GXYLT1: variants seen among roughly 807,000 people sequenced by gnomAD.
The protein encoded by GXYLT1 is glycosyltransferase 8 domain containing 3.
GXYLT1 carries 29 observed loss-of-function variants against 54.0 expected under a neutral mutation model. The ratio of observed to expected loss-of-function variants is 0.54; its 90% CI spans 0.40 to 0.73. GXYLT1 has a LOEUF of 0.73. Among genes scored for constraint, GXYLT1 ranks in the 30% least tolerant of loss-of-function variants. The pLI is 0.00. For missense variants in GXYLT1, 490 were observed against 553.4 expected (o/e 0.89, Z 1.15); for synonymous variants, 176 against 204.1 (o/e 0.86, Z 1.17).
At chr12:42,142,749 T>C (rs768152618) in intron 1 of GXYLT1, among the ~76,000 whole-genome samples, 7 of 152,208 alleles carry the variant, frequency 4.6e-5, no homozygotes, top group African/African-American at 9.6e-5. Flanking sequence ...AATCTAACCA[T>C]AGAGTAAAAC....
chr12:42,139,313 T>A (rs955903757), intron 1 of GXYLT1, among the ~76,000 whole-genome samples: 2 of 152,210 alleles, frequency 1.3e-5, no homozygotes, highest in African/African-American at 4.8e-5. Flanking sequence ...CTAGTATTTA[T>A]TAATATGTGT....
At chr12:42,143,314 G>A (rs1454358145) in intron 1 of GXYLT1, among the ~76,000 whole-genome samples, 1 of 152,142 alleles carries the variant, frequency 6.6e-6, no homozygotes, top group East Asian at 1.9e-4. Flanking sequence ...AGTCTTCAGT[G>A]ACTGCTTTCT....
At chr12:42,134,968 A>G (rs946678309) in intron 1 of GXYLT1, among the ~76,000 whole-genome samples, 3 of 152,216 alleles carry the variant, frequency 2.0e-5, no homozygotes, top group Non-Finnish European at 4.4e-5. Context: ...ATTACTGTTC[A>G]GTTATTCACT....
intron 3 of GXYLT1, among the ~76,000 whole-genome samples, chr12:42,114,705 A>G (rs1472946078): frequency 6.6e-6 from 1 of 152,302 alleles, no homozygotes. Context: ...AGAGGTACAA[A>G]GAGGAGCTGG....
chr12:42,119,464 AAGGG>A (rs1178031813), intron 2 of GXYLT1, among the ~76,000 whole-genome samples: 2 of 151,766 alleles, frequency 1.3e-5, no homozygotes, highest in Non-Finnish European at 2.9e-5. Flanking sequence ...GGCAAAGGGA[AAGGG>A]AGGGAGGGAA....
At chr12:42,090,792 C>T (rs1488492171) in intron 7 of GXYLT1, among the ~76,000 whole-genome samples, 1 of 152,102 alleles carries the variant, frequency 6.6e-6, no homozygotes, top group Non-Finnish European at 1.5e-5. Flanking sequence ...TAAAGTAAAT[C>T]AAAGTTAACA....
At chr12:42,123,291 T>C (rs1458489410) in intron 2 of GXYLT1, among the ~76,000 whole-genome samples, 1 of 152,194 alleles carries the variant, frequency 6.6e-6, no homozygotes, top group African/African-American at 2.4e-5. Flanking sequence ...TTAAAGTATG[T>C]CCCTGTTCTT....
chr12:42,132,338 A>G (rs977460983), intron 1 of GXYLT1, among the ~76,000 whole-genome samples: 1 of 152,234 alleles, frequency 6.6e-6, no homozygotes, highest in African/African-American at 2.4e-5. Context: ...AACTAGAGTC[A>G]GCTTGAAATT....
chr12:42,120,700 CTT>C (rs944674756), intron 2 of GXYLT1, among the ~76,000 whole-genome samples: 1 of 146,678 alleles, frequency 6.8e-6, no homozygotes, highest in Admixed American at 6.9e-5. Context: ...TCCAACTAAT[CTT>C]TTTTTTTATT....
At chr12:42,121,106 A>C (rs1407344077) in intron 2 of GXYLT1, among the ~76,000 whole-genome samples, 1 of 152,220 alleles carries the variant, frequency 6.6e-6, no homozygotes, top group Non-Finnish European at 1.5e-5. Flanking sequence ...TTTTTAGAGA[A>C]TTCTAAATTA....
chr12:42,126,073 C>CTTTT (rs35070036), intron 2 of GXYLT1, among the ~76,000 whole-genome samples: 5 of 135,248 alleles, frequency 3.7e-5, no homozygotes, highest in Non-Finnish European at 4.8e-5. Flanking sequence ...CCAGTAGGAA[C>CTTTT]TTTTTTTTTT....
At chr12:42,095,678 C>T (rs1019666763) in intron 7 of GXYLT1, among the ~76,000 whole-genome samples, 1 of 152,040 alleles carries the variant, frequency 6.6e-6, no homozygotes, top group African/African-American at 2.4e-5. Context: ...TGAGTAAACC[C>T]TTATGTTATT....
intron 5 of GXYLT1, 103 bp downstream of exon 5, chr12:42,105,715 T>G (rs1260448094): frequency 1.3e-6 from 1 of 750,784 alleles, no homozygotes; most frequent in South Asian, 2.0e-5. Context: ...AATAGAAAAA[T>G]TATTTATAGT....
intron 3 of GXYLT1, among the ~76,000 whole-genome samples, chr12:42,118,050 G>C (rs2065507576): frequency 6.6e-6 from 1 of 152,148 alleles, no homozygotes; most frequent in Admixed American, 6.5e-5. Context: ...GTAAGACGAA[G>C]CCAGAGTATC....
At chr12:42,120,834 C>A (rs2065526690) in intron 2 of GXYLT1, among the ~76,000 whole-genome samples, 1 of 152,136 alleles carries the variant, frequency 6.6e-6, no homozygotes, top group Admixed American at 6.5e-5. Context: ...GCGCACCTGG[C>A]CAGTTTGGGT....
At chr12:42,103,692 G>T (rs1403643947) in intron 5 of GXYLT1, among the ~76,000 whole-genome samples, 1 of 152,140 alleles carries the variant, frequency 6.6e-6, no homozygotes, top group African/African-American at 2.4e-5. Flanking sequence ...CAAGGAGCAA[G>T]AACAGGGTTG....
At chr12:42,115,775 A>AC (rs1242778930) in intron 3 of GXYLT1, among the ~76,000 whole-genome samples, 1 of 151,774 alleles carries the variant, frequency 6.6e-6, no homozygotes, top group Non-Finnish European at 1.5e-5. Context: ...AATTGGAAAA[A>AC]CTACTTTAAA....
In GXYLT1 at chr12:42,113,637, C is replaced by T. The variant is rs199540471; in HGVS notation, c.487-3946G>A. ...GAGCACCCAGATTCATAAAGCAAGT[C>T]CTTAGTGACCTACAAAGAGACTTAG... On this transcript the variant is annotated intron_variant, in intron 3 of 7. Transcript: ENST00000398675. Among the ~76,000 whole-genome samples, 964 of 150,926 alleles carry T rather than the reference C, an allele frequency of 6.4e-3. 40 individuals carry two copies. The East Asian group carries it at 0.075, about 12-fold the overall frequency.
chr12:42,120,312 A>G (rs181026281), intron 2 of GXYLT1, among the ~76,000 whole-genome samples: 11 of 152,320 alleles, frequency 7.2e-5, no homozygotes, highest in African/African-American at 2.6e-4. Flanking sequence ...TCACATTAAT[A>G]ACACACATTC....
Sources: gnomAD v4.1 joint callset for allele counts (sites outside exome capture counted in the v4.1 genomes callset) on GRCh38, gnomAD v4.1.1 for gene constraint, MANE v1.5 for transcripts, NCBI Gene and HGNC (gene_info 2026-07-23, HGNC 2026-07-21) for gene names.